The following PCSK5 variants were observed in gnomAD, a reference collection of about 807,000 sequenced individuals.
PCSK5 encodes the protein prohormone convertase 5.
Under a neutral mutation model 233.2 loss-of-function variants are expected in PCSK5, and 129 were observed. The ratio of observed to expected loss-of-function variants is 0.55; its 90% CI spans 0.48 to 0.64. The LOEUF (loss-of-function observed/expected upper bound fraction) is 0.64, where lower values mean the gene tolerates loss of function less well. PCSK5 is among the 30% of genes least tolerant of loss of function. PCSK5 has a pLI of 0.00. For missense variants in PCSK5, 2,076 were observed against 2,430.1 expected, an observed-to-expected ratio of 0.85 and a Z score of 3.06; for synonymous variants, 825 against 879.2, an observed-to-expected ratio of 0.94 and a Z score of 1.09.
chr9:76,046,173 T>TTG (rs1829375221), intron 5 of PCSK5, among the ~76,000 whole-genome samples: 1 of 84,486 alleles, frequency 1.2e-5, no homozygotes, highest in African/African-American at 4.2e-5. Context: ...TTTTTTTTTT[T>TTG]TTTTTTTTTT....
intron 9 of PCSK5, among the ~76,000 whole-genome samples, chr9:76,118,039 A>G (rs1832496027): frequency 6.6e-6 from 1 of 152,148 alleles, no homozygotes; most frequent in Non-Finnish European, 1.5e-5. Flanking sequence ...TTTAGGTGCC[A>G]TTGGAATTGA....
At chr9:76,076,335 T>C (rs920395640) in intron 7 of PCSK5, among the ~76,000 whole-genome samples, 6 of 152,162 alleles carry the variant, frequency 3.9e-5, no homozygotes, top group South Asian at 4.1e-4. Flanking sequence ...TGTTCTGTTA[T>C]AGGAAGCCAT....
intron 8 of PCSK5, among the ~76,000 whole-genome samples, chr9:76,106,841 C>G (rs1039830183): frequency 1.3e-5 from 2 of 152,208 alleles, no homozygotes; most frequent in African/African-American, 4.8e-5. Flanking sequence ...CCAATGCCTG[C>G]TCAGTGTCTG....
At chr9:76,240,178 T>C (rs1451489045) in intron 23 of PCSK5, among the ~76,000 whole-genome samples, 1 of 152,234 alleles carries the variant, frequency 6.6e-6, no homozygotes, top group South Asian at 2.1e-4. Context: ...ATTTTTAGCA[T>C]AATTAAGACA....
At chr9:76,118,663 A>G (rs1004504957) in intron 9 of PCSK5, among the ~76,000 whole-genome samples, 1 of 152,004 alleles carries the variant, frequency 6.6e-6, no homozygotes, top group Non-Finnish European at 1.5e-5. Flanking sequence ...GTGTTTATTT[A>G]TATGATGTAT....
intron 24 of PCSK5, among the ~76,000 whole-genome samples, chr9:76,282,120 CTTTTTTTTTTTTTTTT>C (rs71372059): frequency 6.9e-5 from 1 of 14,508 alleles, no homozygotes; most frequent in African/African-American, 2.1e-4. Context: ...CTTTTCTTTG[CTTTTTTTTTTTTTTTT>C]TTTTTTTTTT....
intron 7 of PCSK5, among the ~76,000 whole-genome samples, chr9:76,093,973 C>T (rs1010241086): frequency 6.6e-6 from 1 of 152,082 alleles, no homozygotes; most frequent in African/African-American, 2.4e-5. Flanking sequence ...GATTTCTGTA[C>T]CTTTCTCTCT....
intron 8 of PCSK5, among the ~76,000 whole-genome samples, chr9:76,104,619 A>G (rs1831903162): frequency 6.6e-6 from 1 of 152,232 alleles, no homozygotes; most frequent in Non-Finnish European, 1.5e-5. Context: ...TAAAATTTTG[A>G]TCGTTCACAT....
chr9:76,275,108 T>G (rs1827648552), intron 24 of PCSK5, among the ~76,000 whole-genome samples: 1 of 152,070 alleles, frequency 6.6e-6, no homozygotes, highest in South Asian at 2.1e-4. Flanking sequence ...AAAAAAAAAT[T>G]TATCCTTTTT....
chr9:76,079,504 G>A (rs145981634), intron 7 of PCSK5, among the ~76,000 whole-genome samples: 103 of 152,176 alleles, frequency 6.8e-4, no homozygotes, highest in African/African-American at 2.2e-3. Context: ...ACTGATTTTC[G>A]TGCGTTGGTT....
In PCSK5 at chr9:76,276,345, C is replaced by T. The variant is rs367777401; in HGVS notation, c.3143-15888C>T. ...AAATAAGCCATTACCACACAGTAGA[C>T]ACAGTCATCATTTTAAATAAATCAG... On this transcript the variant is annotated intron_variant, in intron 24 of 37. Coordinates refer to ENST00000674117, the MANE Select transcript of PCSK5 (RefSeq NM_001372043.1). Among the ~76,000 whole-genome samples, 17 of 152,276 alleles carry T rather than the reference C, an allele frequency of 1.1e-4. No homozygotes were observed. In the East Asian group the frequency reaches 2.7e-3, roughly 24 times the overall value.
intron 22 of PCSK5, among the ~76,000 whole-genome samples, chr9:76,238,578 T>G (rs1826323728): frequency 6.6e-6 from 1 of 152,214 alleles, no homozygotes; most frequent in African/African-American, 2.4e-5. Context: ...TCTCATGGGC[T>G]CTCTATAGCC....
chr9:76,022,110 T>G (rs1240165581), intron 3 of PCSK5, among the ~76,000 whole-genome samples: 3 of 152,186 alleles, frequency 2.0e-5, no homozygotes, highest in Non-Finnish European at 4.4e-5. Context: ...TCTAAAGTGG[T>G]GTACTCAGAT....
chr9:76,022,489 G>A (rs535059938), intron 3 of PCSK5, among the ~76,000 whole-genome samples: 20 of 152,018 alleles, frequency 1.3e-4, no homozygotes, highest in Non-Finnish European at 2.5e-4. Context: ...AAAGACCTGG[G>A]GTGGCTCGTG....
chr9:76,028,872 C>A (rs983845032), intron 5 of PCSK5, among the ~76,000 whole-genome samples: 1 of 152,118 alleles, frequency 6.6e-6, no homozygotes, highest in Non-Finnish European at 1.5e-5. Flanking sequence ...TAGGAATGAA[C>A]GAGGACAGCT....
In PCSK5 at chr9:76,292,217, T is replaced by A. The variant is rs1564161147; in HGVS notation, c.3143-16T>A. On this transcript the variant is annotated splice_polypyrimidine_tract_variant and intron_variant, in intron 24 of 37. Coordinates refer to ENST00000674117, the MANE Select transcript of PCSK5 (RefSeq NM_001372043.1). ...ATTCCTCATGATTATTACTTTTTAT[T>A]ATTTTTTTTTTCCAGATGATCCAGG... is the stretch of plus-strand genomic sequence containing the variant. 1.4e-6 allele frequency: 2 copies of A among 1,439,608 alleles called. No homozygotes were observed. The highest frequency in any genetic ancestry group is 3.6e-5 in the Admixed American group (2 of 56,106). 89.2% of individuals were successfully genotyped at this position (1,439,608 alleles called of 1,614,324 possible). A position where few individuals can be genotyped will look rare whatever the true frequency, so the allele number is the denominator to read the frequency against.
At chr9:76,250,190 T>C (rs909892998) in intron 24 of PCSK5, among the ~76,000 whole-genome samples, 10 of 152,194 alleles carry the variant, frequency 6.6e-5, no homozygotes, top group African/African-American at 1.9e-4. Context: ...TAGTCCCAGC[T>C]ACTCAGGAGG....
At chr9:76,251,495 C>T (rs948894168) in intron 24 of PCSK5, among the ~76,000 whole-genome samples, 2 of 144,578 alleles carry the variant, frequency 1.4e-5, no homozygotes, top group Non-Finnish European at 3.0e-5. Context: ...CCTGGAGGGA[C>T]GGAGCTTGCA....
chr9:76,046,164 T>C (rs937618243), intron 5 of PCSK5, among the ~76,000 whole-genome samples: 2 of 33,482 alleles, frequency 6.0e-5, no homozygotes, highest in Non-Finnish European at 1.2e-4. Flanking sequence ...TCTTTTGTTT[T>C]TTTTTTTTTT....
Sources: allele counts gnomAD v4.1 joint callset (sites outside exome capture counted in the v4.1 genomes callset), GRCh38; gene constraint gnomAD v4.1.1; transcripts MANE v1.5; gene names NCBI Gene and HGNC (gene_info 2026-07-23, HGNC 2026-07-21).